CNTN4: variants seen among roughly 807,000 people sequenced by gnomAD.
CNTN4 encodes contactin 4.
CNTN4 carries 77 observed loss-of-function variants against 122.5 expected under a neutral mutation model. That is an observed-to-expected ratio of 0.63 (90% confidence interval 0.52 to 0.76). The LOEUF (loss-of-function observed/expected upper bound fraction) is 0.76. Ranked by LOEUF, CNTN4 falls within the 30% of genes least tolerant of loss-of-function variation. The pLI is 0.00. For synonymous variants in CNTN4, 512 were observed against 447.0 expected, an observed-to-expected ratio of 1.15 and a Z score of -1.83; for missense variants, 1,256 against 1,259.1, an observed-to-expected ratio of 1.00 and a Z score of 0.04.
chr3:2,527,334 T>C (rs1227187056), intron 3 of CNTN4, among the ~76,000 whole-genome samples: 1 of 152,218 alleles, frequency 6.6e-6, no homozygotes, highest in African/African-American at 2.4e-5. Flanking sequence ...CTCCCTGTTC[T>C]GTCACCTTAG....
chr3:2,699,048 G>T (rs895936705), intron 4 of CNTN4, among the ~76,000 whole-genome samples: 1 of 151,884 alleles, frequency 6.6e-6, no homozygotes, highest in Non-Finnish European at 1.5e-5. Flanking sequence ...ACCTGGGATT[G>T]TTAGATTGTT....
chr3:2,267,476 C>G (rs551320699), intron 2 of CNTN4, among the ~76,000 whole-genome samples: 4 of 152,010 alleles, frequency 2.6e-5, no homozygotes, highest in African/African-American at 9.7e-5. Context: ...ATCCCAGTTT[C>G]GAATAGGATA....
intron 3 of CNTN4, among the ~76,000 whole-genome samples, chr3:2,477,903 A>G (rs1222439604): frequency 1.3e-5 from 2 of 152,208 alleles, no homozygotes; most frequent in East Asian, 3.8e-4. Context: ...ATAAAAGGCT[A>G]TTAGTAGGCC....
chr3:2,208,385 C>T (rs1163830146), intron 2 of CNTN4, among the ~76,000 whole-genome samples: 1 of 151,974 alleles, frequency 6.6e-6, no homozygotes, highest in Non-Finnish European at 1.5e-5. Flanking sequence ...AGAAACAGAG[C>T]CTGAAGATGG....
chr3:2,485,680 C>T (rs532004660), intron 3 of CNTN4, among the ~76,000 whole-genome samples: 3 of 152,282 alleles, frequency 2.0e-5, no homozygotes, highest in East Asian at 3.9e-4. Flanking sequence ...AATCAGCACT[C>T]TCTGTCTAGC....
At chr3:2,463,240 A>G (rs2049295939) in intron 3 of CNTN4, among the ~76,000 whole-genome samples, 1 of 152,164 alleles carries the variant, frequency 6.6e-6, no homozygotes, top group Non-Finnish European at 1.5e-5. Context: ...TAAGACTACT[A>G]ATAAAACTGT....
At chr3:2,704,989 G>T (rs2086571257) in intron 4 of CNTN4, among the ~76,000 whole-genome samples, 1 of 152,028 alleles carries the variant, frequency 6.6e-6, no homozygotes, top group Admixed American at 6.6e-5. Flanking sequence ...GAGTCCTCAA[G>T]AAAGTGTTGC....
intron 4 of CNTN4, among the ~76,000 whole-genome samples, chr3:2,581,572 T>C (rs185351566): frequency 1.7e-4 from 26 of 152,316 alleles, no homozygotes; most frequent in Admixed American, 4.6e-4. Flanking sequence ...TTAAGACACC[T>C]TCATAGAGGA....
At chr3:2,147,520 T>C (rs753003771) in intron 2 of CNTN4, among the ~76,000 whole-genome samples, 32 of 152,292 alleles carry the variant, frequency 2.1e-4, no homozygotes, top group Non-Finnish European at 3.8e-4. Context: ...TGACCACCTA[T>C]TGTAACATCT....
intron 2 of CNTN4, among the ~76,000 whole-genome samples, chr3:2,315,796 A>G (rs2043077814): frequency 6.6e-6 from 1 of 152,112 alleles, no homozygotes; most frequent in Non-Finnish European, 1.5e-5. Flanking sequence ...ACTAGAAATT[A>G]TGAATTATGT....
rs549479056 is a variant in CNTN4 at position 2,936,384 on chromosome 3, C to A, written c.1358+10605C>A. ...CTCTCCATCTTCAAAGATGCTTTCT[C>A]GGGAATTCTGAGATGGGGCCCAGGA... is the stretch of plus-strand genomic sequence containing the variant. On this transcript the variant is annotated intron_variant, in intron 13 of 24. Coordinates refer to ENST00000418658, the MANE Select transcript of CNTN4 (RefSeq NM_175607.3). Among the ~76,000 whole-genome samples, 47 of 152,280 alleles carry A rather than the reference C, an allele frequency of 3.1e-4. No homozygotes were observed. In the South Asian group the frequency reaches 9.1e-3, roughly 30 times the overall value.
At chr3:2,685,978 A>G (rs375121403) in intron 4 of CNTN4, among the ~76,000 whole-genome samples, 3 of 152,196 alleles carry the variant, frequency 2.0e-5, no homozygotes, top group African/African-American at 7.2e-5. Flanking sequence ...CCAATTCCCA[A>G]TTACCCAAGT....
At chr3:3,004,698 C>T (rs1190510949) in intron 14 of CNTN4, among the ~76,000 whole-genome samples, 1 of 152,256 alleles carries the variant, frequency 6.6e-6, no homozygotes, top group Non-Finnish European at 1.5e-5. Flanking sequence ...AATCAGCACA[C>T]ACCAGCACTC....
chr3:2,624,236 T>C (rs907721732), intron 4 of CNTN4, among the ~76,000 whole-genome samples: 1 of 152,186 alleles, frequency 6.6e-6, no homozygotes, highest in African/African-American at 2.4e-5. Flanking sequence ...GAAAAAGCAT[T>C]CATAGGTTTC....
intron 2 of CNTN4, among the ~76,000 whole-genome samples, chr3:2,199,428 AT>A (rs952910067): frequency 1.4e-4 from 22 of 151,862 alleles, no homozygotes; most frequent in African/African-American, 4.8e-4. Flanking sequence ...TCCCTACCAT[AT>A]TTTTATTATA....
intron 11 of CNTN4, among the ~76,000 whole-genome samples, chr3:2,902,041 C>A (rs1008030957): frequency 6.6e-6 from 1 of 152,126 alleles, no homozygotes; most frequent in African/African-American, 2.4e-5. Flanking sequence ...CTGTGGGACA[C>A]TTGGGCTTGT....
At chr3:2,884,557 T>C (rs1299095019) in intron 9 of CNTN4, among the ~76,000 whole-genome samples, 1 of 152,122 alleles carries the variant, frequency 6.6e-6, no homozygotes, top group African/African-American at 2.4e-5. Context: ...ACATAGAAAA[T>C]GCCCATGCTA....
chr3:2,645,215 G>GA (rs199711164), intron 4 of CNTN4, among the ~76,000 whole-genome samples: 38 of 150,134 alleles, frequency 2.5e-4, no homozygotes, highest in East Asian at 7.8e-4. Flanking sequence ...GTGCTCTGGG[G>GA]AAAAAAAAAG....
chr3:2,164,022 G>C (rs1339539235), intron 2 of CNTN4, among the ~76,000 whole-genome samples: 1 of 152,158 alleles, frequency 6.6e-6, no homozygotes, highest in South Asian at 2.1e-4. Flanking sequence ...GGGATTCAGG[G>C]GAAAGGGTAG....
Sources: gnomAD v4.1 joint callset for allele counts (sites outside exome capture counted in the v4.1 genomes callset) on GRCh38, gnomAD v4.1.1 for gene constraint, MANE v1.5 for transcripts, NCBI Gene and HGNC (gene_info 2026-07-23, HGNC 2026-07-21) for gene names.